ABR: variants seen among roughly 807,000 people sequenced by gnomAD.
ABR encodes the protein active breakpoint cluster region-related protein.
In ABR, 35 loss-of-function variants were observed where a neutral mutation model predicts 107.2. The ratio of observed to expected loss-of-function variants is 0.33; its 90% confidence interval spans 0.25 to 0.43. ABR has a LOEUF of 0.43. ABR is among the 20% of genes least tolerant of loss of function. The pLI is 1.00. For missense variants in ABR, 815 were observed against 1,115.2 expected (o/e 0.73, Z 3.83); for synonymous variants, 498 against 462.0 (o/e 1.08, Z -1.00).
rs970943649 is a variant in ABR, at chr17:1,028,147, G to A, written c.1792-14983C>T. ...GCTCTGTTGCCCAGGCTGGAGTGCA[G>A]TGGCATGATCTCGGCTCACTGCAAC... On this transcript the variant is annotated intron_variant, in intron 16 of 22. Transcript: ENST00000302538. 9.9e-5 allele frequency among the ~76,000 whole-genome samples: 15 copies of A among 152,204 alleles called. No homozygotes were observed. In the Middle Eastern group the frequency reaches 0.01, roughly 104 times the overall value.
In ABR at chr17:1,010,912, C is replaced by T; in HGVS notation, c.2102-49G>A. 1.2e-6 allele frequency: 2 copies of T among 1,606,858 alleles called. No homozygotes were observed. The highest frequency in any genetic ancestry group is 2.2e-5 in the South Asian group (2 of 90,656). On this transcript the variant is annotated intron_variant, in intron 19 of 22. Transcript: ENST00000302538. The surrounding 1 kb of genome is among the most constrained non-coding windows in gnomAD (Gnocchi z 4.1). ...GGCAGCCTTAGCTGGGCCAGCAGCC[C>T]CGTTCCACCCCCGACCCATCCTGAC...
rs771700484 is a variant in ABR at position 1,012,312 on chromosome 17, AG to A, written c.1962-328del. The A allele has an allele frequency of 9.1e-5, 58 of 638,554 alleles. No homozygotes were observed. In the African/African-American group the frequency reaches 1.0e-3, roughly 11 times the overall value. 39.6% of individuals were successfully genotyped at this position (638,554 alleles called of 1,614,324 possible). On this transcript the variant is annotated intron_variant, in intron 18 of 22. Coordinates refer to ENST00000302538, the MANE Select transcript of ABR (RefSeq NM_021962.5). ...GGCAGCCCACATGAGGAGGTGGGTCAGGCCTGAGACAAGGGGCCAGGGTGGT... is the reference window on the plus strand; with the variant it reads ...GGCAGCCCACATGAGGAGGTGGGTCAGCCTGAGACAAGGGGCCAGGGTGGT...
intron 10 of ABR, among the ~76,000 whole-genome samples, chr17:1,059,250 C>T (rs549045543): frequency 6.4e-4 from 97 of 152,320 alleles, no homozygotes; most frequent in African/African-American, 2.1e-3. Context: ...GCCGACATAA[C>T]GGAAGCCAGC....
At chr17:1,207,598 G>A (rs1196441750) in intron 1 of ABR, among the ~76,000 whole-genome samples, 7 of 140,596 alleles carry the variant, frequency 5.0e-5, no homozygotes, top group Non-Finnish European at 1.1e-4. Context: ...GCAGTGAGCC[G>A]AGATGGCGCC....
rs565838994 is a variant in ABR at position 1,062,047 on chromosome 17, G to C, written c.1183-3180C>G. Among the ~76,000 whole-genome samples the C allele has an allele frequency of 3.9e-5, 6 of 152,292 alleles. No homozygotes were observed. The South Asian group carries it at 1.0e-3, about 26-fold the overall frequency. ...GCACCCAACCAAGACTGTGGTGGGC[G>C]TGGGTGTCAGAGAAGCTTCCCAGGG... On this transcript the variant is annotated intron_variant, in intron 10 of 22. Transcript: ENST00000302538.
chr17:1,186,128 T>A (rs2042291294), intron 1 of ABR, among the ~76,000 whole-genome samples: 1 of 152,210 alleles, frequency 6.6e-6, no homozygotes, highest in African/African-American at 2.4e-5. Flanking sequence ...TGAGCCACCA[T>A]GTGCGGCCAG....
Position 1,067,206 on chromosome 17 carries a change from G to A in ABR, c.1053C>T (p.Pro351=). 1 of 1,610,686 alleles carries A rather than the reference G, an allele frequency of 6.2e-7. No homozygotes were observed. Among genetic ancestry groups the A allele is most frequent in the Middle Eastern group, 1.7e-4 (1 of 5,988 alleles). Residue 351 remains proline, a synonymous_variant, in exon 10 of 23, where the codon CCC becomes CCT. Coordinates refer to ENST00000302538, the MANE Select transcript of ABR (RefSeq NM_021962.5). ...HQQYDCKWYI[P]LADLVFPSPE... is the part of the protein sequence containing the mutation. Reference sequence around the variant, plus strand: ...GGGATGGAAACACCAGGTCGGCCAGGGGGATGTACCACTTACAGTCATACT... The same window carrying A: ...GGGATGGAAACACCAGGTCGGCCAGAGGGATGTACCACTTACAGTCATACT...
chr17:1,120,244 A>G (rs937905517), intron 2 of ABR, among the ~76,000 whole-genome samples: 17 of 142,762 alleles, frequency 1.2e-4, no homozygotes, highest in African/African-American at 3.8e-4. Context: ...GATGATAGGG[A>G]CAATGATGAT....
intron 1 of ABR, among the ~76,000 whole-genome samples, chr17:1,216,798 T>A (rs2043018555): frequency 6.6e-6 from 1 of 152,128 alleles, no homozygotes; most frequent in Admixed American, 6.6e-5. Flanking sequence ...GAACAACAGC[T>A]CCTTCAGCCC....
chr17:1,073,753 T>TC (rs1210796964), intron 6 of ABR, 76 bp from the exon 7 acceptor site: 4 of 1,338,890 alleles, frequency 3.0e-6, no homozygotes, highest in Non-Finnish European at 2.0e-6. Flanking sequence ...ACCAGCTTCG[T>TC]CCCCCCACCC....
intron 6 of ABR, chr17:1,079,115 T>C (rs1473128150): frequency 1.4e-6 from 2 of 1,436,126 alleles, no homozygotes; most frequent in East Asian, 5.0e-5. Context: ...AGGAGCACGT[T>C]TGTAGCTGGC....
intron 1 of ABR, among the ~76,000 whole-genome samples, chr17:1,171,576 G>A (rs1489330440): frequency 6.6e-6 from 1 of 152,164 alleles, no homozygotes; most frequent in Non-Finnish European, 1.5e-5. Context: ...AATCACGTGT[G>A]CCATGTCCAC....
chr17:1,167,032 T>G (rs2041539803), intron 1 of ABR, among the ~76,000 whole-genome samples: 1 of 151,816 alleles, frequency 6.6e-6, no homozygotes, highest in South Asian at 2.1e-4. Context: ...ACAAAGGAAA[T>G]GCAGAATCTG....
intron 1 of ABR, among the ~76,000 whole-genome samples, chr17:1,141,436 T>C (rs565557232): frequency 1.4e-4 from 22 of 152,308 alleles, no homozygotes; most frequent in Admixed American, 3.3e-4. Context: ...TACTTAGCCA[T>C]TCAGAGCCTC....
chr17:1,058,914 T>C, intron 10 of ABR, 47 bp from the exon 11 acceptor site: 1 of 1,610,110 alleles, frequency 6.2e-7, no homozygotes, highest in Non-Finnish European at 8.5e-7. Context: ...CTCGGGCCTT[T>C]CTCACGAGCA....
intron 1 of ABR, among the ~76,000 whole-genome samples, chr17:1,199,925 CTTT>C (rs11442804): frequency 6.8e-6 from 1 of 147,172 alleles, no homozygotes; most frequent in African/African-American, 2.5e-5. Flanking sequence ...GCTCTTTTTT[CTTT>C]TTTTTTTTAT....
At chr17:1,191,166 C>T (rs1003281374), upstream of ABR, among the ~76,000 whole-genome samples, 4 of 152,066 alleles carry the variant, frequency 2.6e-5, no homozygotes, top group Non-Finnish European at 4.4e-5. Flanking sequence ...ATAAACAAAA[C>T]AACCAATGTC....
chr17:1,203,099 T>C (rs189944266), intron 1 of ABR, among the ~76,000 whole-genome samples: 161 of 152,274 alleles, frequency 1.1e-3, no homozygotes, highest in African/African-American at 3.8e-3. Flanking sequence ...TTGGCCAGGC[T>C]GGTCTCGAAC....
chr17:1,138,303 G>A (rs72814081), intron 1 of ABR, among the ~76,000 whole-genome samples: 1 of 152,210 alleles, frequency 6.6e-6, no homozygotes, highest in Non-Finnish European at 1.5e-5. Flanking sequence ...GGGGGTGGAC[G>A]ACGGGGACAG....
Sources: allele counts gnomAD v4.1 joint callset (sites outside exome capture counted in the v4.1 genomes callset), GRCh38; gene constraint gnomAD v4.1.1; non-coding constraint Gnocchi (gnomAD v3.1); transcripts MANE v1.5; gene names NCBI Gene and HGNC (gene_info 2026-07-23, HGNC 2026-07-21).